Variants in MC2R observed in about 807,000 individuals in gnomAD.
MC2R encodes the protein melanocortin 2 receptor, also known as adrenocorticotropic hormone receptor.
In MC2R, 9 loss-of-function variants were observed where a neutral mutation model predicts 9.8. That is an observed-to-expected ratio of 0.92 (90% CI 0.55 to 1.60). MC2R has a LOEUF of 1.60. Among genes scored for constraint, MC2R ranks in the 40% most tolerant of loss-of-function variants. The pLI is 0.00. For synonymous variants in MC2R, 185 were observed against 154.7 expected (o/e 1.20, Z -1.45); for missense variants, 370 against 389.0 (o/e 0.95, Z 0.41).
chr18:13,905,921 T>C (rs2045411375), intron 1 of MC2R, among the ~76,000 whole-genome samples: 1 of 152,142 alleles, frequency 6.6e-6, no homozygotes, highest in Non-Finnish European at 1.5e-5. Flanking sequence ...CTGGGCATGA[T>C]GACGCACACC....
intron 1 of MC2R, among the ~76,000 whole-genome samples, chr18:13,905,480 C>T (rs1174086646): frequency 7.8e-6 from 1 of 128,452 alleles, no homozygotes; most frequent in Non-Finnish European, 1.7e-5. Context: ...GCGAGACTCC[C>T]TCTAAAAAAA....
chr18:13,893,832 T>C (rs2045330952), intron 1 of MC2R, among the ~76,000 whole-genome samples: 1 of 152,240 alleles, frequency 6.6e-6, no homozygotes, highest in Non-Finnish European at 1.5e-5. Context: ...TCTGCAGATA[T>C]TCAGCTCTGT....
At position 13,908,705 on chromosome 18, in the gene MC2R, C is replaced by CT. The variant is rs34035659; in HGVS notation, c.-129+6782dup. Among the ~76,000 whole-genome samples, 292 of 38,094 alleles carry CT rather than the reference C, an allele frequency of 7.7e-3. 5 individuals carry two copies. The highest frequency in any genetic ancestry group is 0.076 in the Middle Eastern group (5 of 66). The allele number at this position is 38,094 out of a possible 152,430, so 25.0% of individuals were successfully genotyped here. A position where few individuals can be genotyped will look rare whatever the true frequency, so the allele number is the denominator to read the frequency against. On this transcript the variant is annotated intron_variant, in intron 1 of 1. Coordinates refer to ENST00000327606, the MANE Select transcript of MC2R (RefSeq NM_000529.2). ...TTGCAGTTCAACGGTGCAGGAGCTT[C>CT]TTGTGTGTGTGTGTGTGTGTGTGTG... is the stretch of plus-strand genomic sequence containing the variant.
chr18:13,892,976 G>T (rs1272296328), intron 1 of MC2R, among the ~76,000 whole-genome samples: 1 of 152,212 alleles, frequency 6.6e-6, no homozygotes. Flanking sequence ...ACAGGCGTGA[G>T]TCACTATGCC....
chr18:13,914,823 A>G (rs200001527), intron 1 of MC2R, among the ~76,000 whole-genome samples: 1 of 152,208 alleles, frequency 6.6e-6, no homozygotes, highest in East Asian at 1.9e-4. Flanking sequence ...GCCCCTCATG[A>G]TGGCAGTGAC....
At chr18:13,903,659 T>C (rs1303824114) in intron 1 of MC2R, among the ~76,000 whole-genome samples, 5 of 152,096 alleles carry the variant, frequency 3.3e-5, no homozygotes, top group Non-Finnish European at 5.9e-5. Flanking sequence ...AGTAGAAAGA[T>C]GGTTGCCAGA....
At chr18:13,886,053 A>G (rs575652123) in intron 1 of MC2R, among the ~76,000 whole-genome samples, 1 of 151,754 alleles carries the variant, frequency 6.6e-6, no homozygotes, top group Non-Finnish European at 1.5e-5. Flanking sequence ...TAGAGTGTGG[A>G]ATGGACATTG....
At chr18:13,893,886 G>C (rs1961264434) in intron 1 of MC2R, among the ~76,000 whole-genome samples, 1 of 152,210 alleles carries the variant, frequency 6.6e-6, no homozygotes, top group South Asian at 2.1e-4. Flanking sequence ...CTCTGTTATG[G>C]AAAGGAGCTG....
At chr18:13,914,022 G>A (rs1286737315) in intron 1 of MC2R, among the ~76,000 whole-genome samples, 1 of 151,774 alleles carries the variant, frequency 6.6e-6, no homozygotes, top group Non-Finnish European at 1.5e-5. Flanking sequence ...GATTCCATAG[G>A]AAACATACCT....
intron 1 of MC2R, among the ~76,000 whole-genome samples, chr18:13,904,892 C>T (rs142941332): frequency 2.6e-5 from 4 of 151,740 alleles, no homozygotes; most frequent in African/African-American, 9.7e-5. Context: ...TTATACAAGA[C>T]GAATTAAATA....
At chr18:13,907,526 C>A (rs1418209451) in intron 1 of MC2R, among the ~76,000 whole-genome samples, 1 of 152,122 alleles carries the variant, frequency 6.6e-6, no homozygotes, top group African/African-American at 2.4e-5. Context: ...GCAGGTGGAA[C>A]CATACCAAGA....
intron 1 of MC2R, among the ~76,000 whole-genome samples, chr18:13,886,560 C>T (rs2045277427): frequency 6.6e-6 from 1 of 152,198 alleles, no homozygotes; most frequent in East Asian, 1.9e-4. Context: ...TGCTCGTCTC[C>T]CTGGGTCACT....
chr18:13,913,752 G>A (rs2045460285), intron 1 of MC2R, among the ~76,000 whole-genome samples: 1 of 152,108 alleles, frequency 6.6e-6, no homozygotes, highest in African/African-American at 2.4e-5. Context: ...CTCTTCCACT[G>A]CCCCCGCATC....
intron 1 of MC2R, among the ~76,000 whole-genome samples, chr18:13,899,327 G>T (rs2045365121): frequency 6.6e-6 from 1 of 151,440 alleles, no homozygotes; most frequent in South Asian, 2.1e-4. Context: ...AGAGACAAAA[G>T]AAAAAAGAAT....
intron 1 of MC2R, among the ~76,000 whole-genome samples, chr18:13,912,743 A>G (rs1785048764): frequency 6.6e-6 from 1 of 152,118 alleles, no homozygotes; most frequent in South Asian, 2.1e-4. Context: ...TTTTCCTTGA[A>G]CTTACTGATG....
chr18:13,900,932 G>T lies in MC2R; in HGVS notation c.-129+14556C>A, dbSNP rs1179265907. Among the ~76,000 whole-genome samples, 6 of 152,060 alleles carry T rather than the reference G, an allele frequency of 3.9e-5. No individual in the cohort carries two copies. In the East Asian group the frequency reaches 1.2e-3, roughly 29 times the overall value. On this transcript the variant is annotated intron_variant, in intron 1 of 1. Transcript: ENST00000327606. ...TATTTACAAAACATTTCATCCAATA[G>T]CTACAGAATATACATTCGTTTTCTC...
At chr18:13,897,466 C>T (rs749958523) in intron 1 of MC2R, among the ~76,000 whole-genome samples, 54 of 152,112 alleles carry the variant, frequency 3.6e-4, no homozygotes, top group Non-Finnish European at 6.8e-4. Context: ...TTAGGCGAGT[C>T]CTAACGCTGA....
rs1298201649 is a variant in MC2R, at chr18:13,887,334, GAA to G, written c.-128-1690_-128-1689del. 6.9e-4 allele frequency among the ~76,000 whole-genome samples: 79 copies of G among 113,936 alleles called. 1 individual carries two copies. The highest frequency in any genetic ancestry group is 5.5e-3 in the Middle Eastern group (1 of 182). The allele number at this position is 113,936 out of a possible 152,430, so 74.7% of individuals were successfully genotyped here. ...TGGGAAAGCCTCAGGGATGGCAGGGGAAGCCTGTGTGCTGTGTCCCACCTGCT... is the reference window on the plus strand; with the variant it reads ...TGGGAAAGCCTCAGGGATGGCAGGGGGCCTGTGTGCTGTGTCCCACCTGCT... On this transcript the variant is annotated intron_variant, in intron 1 of 1. Transcript: ENST00000327606.
rs1292438855 is a variant in MC2R at position 13,885,275 on chromosome 18, T to C, written c.244A>G (p.Ile82Val). ...CCCATGTTTCTCAATATGATCAGGA[T>C]ATTTTCCAAGATCTTATATAGGCTG... is the stretch of plus-strand genomic sequence containing the variant. Reference protein sequence around the residue: ...LGSLYKILENILIILRNMGYL... With the variant: ...LGSLYKILENVLIILRNMGYL... Residue 82 changes from isoleucine (I) to valine (V), a missense_variant, in exon 2 of 2, where the codon ATC becomes GTC. Ile to Val is a conservative substitution (Grantham distance 29, BLOSUM62 3). Coordinates refer to ENST00000327606, the MANE Select transcript of MC2R (RefSeq NM_000529.2). 1 of 1,614,122 alleles carries C rather than the reference T, an allele frequency of 6.2e-7. No homozygotes were observed. Among genetic ancestry groups the C allele is most frequent in the Admixed American group, 1.7e-5 (1 of 60,026 alleles).
Sources: gnomAD v4.1 joint callset for allele counts (sites outside exome capture counted in the v4.1 genomes callset) on GRCh38, gnomAD v4.1.1 for gene constraint, MANE v1.5 for transcripts, NCBI Gene and HGNC (gene_info 2026-07-23, HGNC 2026-07-21) for gene names.